The following CCDC197 variants were observed in gnomAD, a reference collection of about 807,000 sequenced individuals.
CCDC197 encodes the protein uncharacterized protein CCDC197.
CCDC197 carries 24 observed loss-of-function variants against 13.4 expected under a neutral mutation model. The observed-to-expected ratio is 1.80, with a 90% CI of 1.30 to 2.53. The LOEUF (loss-of-function observed/expected upper bound fraction) is 2.53, where lower values mean the gene tolerates loss of function less well. Among genes scored for constraint, CCDC197 ranks in the 30% most tolerant of loss-of-function variants. The pLI is 0.00. For synonymous variants in CCDC197, 99 were observed against 55.5 expected, an observed-to-expected ratio of 1.78 and a Z score of -3.48; for missense variants, 255 against 148.8, an observed-to-expected ratio of 1.71 and a Z score of -3.71.
At chr14:94,010,352 T>A (rs151063547), downstream of CCDC197, among the ~76,000 whole-genome samples, 1 of 152,188 alleles carries the variant, frequency 6.6e-6, no homozygotes, top group African/African-American at 2.4e-5. Context: ...TACAGGCGCG[T>A]GCCACCATGC....
In CCDC197 at chr14:94,005,050, C is replaced by T. The variant is rs1382648036; in HGVS notation, c.615+79C>T. On this transcript the variant is annotated intron_variant, in intron 6 of 6. Transcript: ENST00000636493. ...ACTTGAGCTAGTCCTGCTCCTTAGC[C>T]CAGGCTGCATTTGTGTTTAGCCCCC... The T allele has an allele frequency of 7.8e-5, 51 of 653,512 alleles. 1 individual carries two copies. In the South Asian group the frequency reaches 8.1e-4, roughly 10 times the overall value. The allele number at this position is 653,512 out of a possible 1,614,324, so 40.5% of individuals were successfully genotyped here.
chr14:93,998,431 G>A (rs547259176), intron 2 of CCDC197, among the ~76,000 whole-genome samples, 196 bp downstream of exon 2: 8 of 152,340 alleles, frequency 5.3e-5, no homozygotes, highest in African/African-American at 1.7e-4. Flanking sequence ...TGTGGCTATT[G>A]CCCTTTGGCC....
chr14:93,989,248 G>A (rs760632583), intron 1 of CCDC197, among the ~76,000 whole-genome samples: 37 of 152,096 alleles, frequency 2.4e-4, no homozygotes, highest in Non-Finnish European at 4.4e-4. Flanking sequence ...TCCCTTTAAC[G>A]CTGTCCCAGA....
At chr14:93,995,504 G>A (rs1374698567), upstream of CCDC197, among the ~76,000 whole-genome samples, 3 of 152,166 alleles carry the variant, frequency 2.0e-5, no homozygotes, top group Admixed American at 6.5e-5. Flanking sequence ...GCACCTGTGG[G>A]TTCTGTTGCT....
chr14:93,993,893 C>A (rs11620660), upstream of CCDC197, among the ~76,000 whole-genome samples: 2 of 152,130 alleles, frequency 1.3e-5, no homozygotes, highest in Admixed American at 6.5e-5. Flanking sequence ...AGACCTGCGC[C>A]CCTCACCGCT....
intron 1 of CCDC197, among the ~76,000 whole-genome samples, chr14:93,991,876 T>C (rs1222405442): frequency 2.0e-5 from 3 of 151,800 alleles, no homozygotes; most frequent in Non-Finnish European, 4.4e-5. Context: ...GAAAAGCCAC[T>C]GTGAGAGGAA....
downstream of CCDC197, among the ~76,000 whole-genome samples, chr14:94,010,403 C>T (rs1890787990): frequency 1.3e-5 from 2 of 152,184 alleles, no homozygotes; most frequent in Non-Finnish European, 2.9e-5. Context: ...GGGGTTTCAC[C>T]ATGTTGGCCA....
At chr14:93,995,315 C>T (rs1469919186), upstream of CCDC197, among the ~76,000 whole-genome samples, 1 of 152,168 alleles carries the variant, frequency 6.6e-6, no homozygotes, top group East Asian at 1.9e-4. Context: ...CTGAAAGTTC[C>T]CAGGCATCAC....
At chr14:94,009,852 G>A (rs1890779353), downstream of CCDC197, among the ~76,000 whole-genome samples, 2 of 152,208 alleles carry the variant, frequency 1.3e-5, no homozygotes, top group African/African-American at 4.8e-5. Context: ...TTGTGCCACT[G>A]GGGTAAAATC....
upstream of CCDC197, among the ~76,000 whole-genome samples, chr14:93,995,542 G>T (rs1022748789): frequency 6.6e-6 from 1 of 152,120 alleles, no homozygotes; most frequent in African/African-American, 2.4e-5. Context: ...TGGGAACAGC[G>T]CCAGGGTTTG....
rs746628054 is a variant in CCDC197 at position 94,003,265 on chromosome 14, C to T, written c.409C>T (p.Arg137Cys). ...GTGTCAGCTGCAGAAGAAGTGCTAC[C>T]GCAAGCAGGAGCAGTGGTGGCAGCT... ...RLCQLQKKCY[R>C]KQEQWWQLKH... The change falls in exon 5 of 7, where the codon CGC (arginine) becomes TGC (cysteine). Residue 137 changes from arginine to cysteine, a missense_variant. Physicochemically the swap from Arg to Cys is radical, Grantham distance 180 (BLOSUM62 -3). Transcript: ENST00000636493. The surrounding 1 kb of genome is among the most constrained non-coding windows in gnomAD (Gnocchi z 5.0). The T allele has an allele frequency of 2.7e-5, 21 of 780,824 alleles. No individual in the cohort carries two copies. The highest frequency in any genetic ancestry group is 1.7e-4 in the South Asian group (13 of 74,612). The allele number at this position is 780,824 out of a possible 1,614,324, so 48.4% of individuals were successfully genotyped here.
chr14:93,990,481 C>CCCCAGCCT lies in CCDC197; in HGVS notation c.-107+3086_-107+3093dup, dbSNP rs1347002296. Among the ~76,000 whole-genome samples the CCCCAGCCT allele has an allele frequency of 1.4e-4, 22 of 152,348 alleles. No homozygotes were observed. The East Asian group carries it at 4.1e-3, about 28-fold the overall frequency. On this transcript the variant is annotated intron_variant, in intron 1 of 7. Transcript: ENST00000640978. ...CCACCCAGGGATCTGGCAGAAGCCA[C>CCCCAGCCT]CCCAGCCTGGAGTGGACTGAGCCAC...
chr14:93,998,091 C>G lies in CCDC197; in HGVS notation c.-41C>G, dbSNP rs775148499. ...GTCTGTCTTCATCCTGCCTGACTCA[C>G]GGGTCTCCTGTCCTCCTGCATAGCT... On this transcript the variant is annotated 5_prime_UTR_variant, in exon 2 of 7. Transcript: ENST00000636493. 1.3e-6 allele frequency: 1 copy of G among 779,238 alleles called. No individual in the cohort carries two copies. The highest frequency in any genetic ancestry group is 2.4e-6 in the Non-Finnish European group (1 of 417,720). The allele number at this position is 779,238 out of a possible 1,614,324, so 48.3% of individuals were successfully genotyped here. A position where few individuals can be genotyped will look rare whatever the true frequency, so the allele number is the denominator to read the frequency against.
chr14:93,994,551 G>A (rs1890252673), upstream of CCDC197, among the ~76,000 whole-genome samples: 1 of 152,198 alleles, frequency 6.6e-6, no homozygotes, highest in Non-Finnish European at 1.5e-5. Flanking sequence ...CGGCTCCCAA[G>A]GAGCTGCAGC....
upstream of CCDC197, among the ~76,000 whole-genome samples, chr14:93,993,176 G>C (rs200124113): frequency 1.3e-5 from 2 of 152,176 alleles, no homozygotes; most frequent in African/African-American, 2.4e-5. Flanking sequence ...TCCTCTGGAG[G>C]GGGAGAGAAG....
Position 94,003,944 on chromosome 14 carries a change from G to T in CCDC197, c.498+590G>T, listed in dbSNP as rs577494461. ...TGTTTGTGGTTAATAATAAGATAAC[G>T]GTGTTTAAGTGAGTGGTTGTTATGT... is the stretch of plus-strand genomic sequence containing the variant. On this transcript the variant is annotated intron_variant, in intron 5 of 6. Transcript: ENST00000636493. This position sits in a 1 kb window ranked among gnomAD's most constrained non-coding sequence, Gnocchi z 5.0. Among the ~76,000 whole-genome samples the T allele has an allele frequency of 1.3e-5, 2 of 152,252 alleles. No homozygotes were observed. Among genetic ancestry groups the T allele is most frequent in the South Asian group, 4.2e-4 (2 of 4,814 alleles).
chr14:94,005,005 C>A (rs1320575160), intron 6 of CCDC197, 34 bp downstream of exon 6: 1 of 695,746 alleles, frequency 1.4e-6, no homozygotes, highest in South Asian at 1.5e-5. Context: ...GGGCTCCTGA[C>A]TGCCCCAGGC....
chr14:94,008,361 C>T (rs1041325914), intron 6 of CCDC197, among the ~76,000 whole-genome samples: 1 of 152,212 alleles, frequency 6.6e-6, no homozygotes, highest in African/African-American at 2.4e-5. Context: ...TTCAGGAAGT[C>T]ACACCAGGAT....
chr14:94,008,932 T>C, downstream of CCDC197: 1 of 610,180 alleles, frequency 1.6e-6, no homozygotes, highest in Admixed American at 2.6e-5. Flanking sequence ...GAGGGGGTGG[T>C]CAGGGTCCTG....
Sources: allele counts gnomAD v4.1 joint callset (sites outside exome capture counted in the v4.1 genomes callset), GRCh38; gene constraint gnomAD v4.1.1; non-coding constraint Gnocchi (gnomAD v3.1); transcripts MANE v1.5; gene names NCBI Gene and HGNC (gene_info 2026-07-23, HGNC 2026-07-21).